Variants in LRBA observed in about 807,000 individuals in gnomAD.
LRBA encodes the protein lipopolysaccharide-responsive and beige-like anchor protein.
Under a neutral mutation model 330.0 loss-of-function variants are expected in LRBA, and 176 were observed. That is an observed-to-expected ratio of 0.53 (90% CI 0.47 to 0.60). LRBA has a LOEUF of 0.60. Among genes scored for constraint, LRBA ranks in the 20% least tolerant of loss-of-function variants. LRBA has a pLI of 0.00. For missense variants in LRBA, 3,259 were observed against 3,444.8 expected (o/e 0.95, Z 1.35); for synonymous variants, 1,230 against 1,193.0 (o/e 1.03, Z -0.64).
chr4:150,549,081 A>G (rs1424649586), intron 40 of LRBA, among the ~76,000 whole-genome samples: 8 of 152,192 alleles, frequency 5.3e-5, no homozygotes, highest in East Asian at 1.9e-4. Flanking sequence ...TATTAAATCT[A>G]TAACTATATT....
chr4:150,760,806 G>C (rs547869451), intron 35 of LRBA, among the ~76,000 whole-genome samples: 3 of 152,260 alleles, frequency 2.0e-5, no homozygotes, highest in African/African-American at 7.2e-5. Flanking sequence ...TTAGCATGAA[G>C]TATTATAATT....
chr4:150,844,797 G>T lies in LRBA; in HGVS notation c.4340-18C>A, dbSNP rs969648255. 3 of 1,601,514 alleles carry T rather than the reference G, an allele frequency of 1.9e-6. No homozygotes were observed. Among genetic ancestry groups the T allele is most frequent in the Non-Finnish European group, 2.6e-6 (3 of 1,172,074 alleles). ...TGCACAAACTGTAATTTATTTTAAG[G>T]AAAAGATAGGGAAAGAAAAGTTAAT... On this transcript the variant is annotated intron_variant, in intron 26 of 56. Transcript: ENST00000651943.
chr4:150,612,814 T>A (rs1030852495), intron 37 of LRBA, among the ~76,000 whole-genome samples: 2 of 152,094 alleles, frequency 1.3e-5, no homozygotes, highest in Non-Finnish European at 2.9e-5. Context: ...TTATATGACA[T>A]AAAATCCACA....
At chr4:150,283,654 T>A (rs921864531) in intron 54 of LRBA, among the ~76,000 whole-genome samples, 1 of 152,220 alleles carries the variant, frequency 6.6e-6, no homozygotes, top group Non-Finnish European at 1.5e-5. Flanking sequence ...CCACAGGCAG[T>A]GTTTGCTTTA....
intron 40 of LRBA, among the ~76,000 whole-genome samples, chr4:150,551,318 A>C (rs1028895023): frequency 6.6e-6 from 1 of 152,252 alleles, no homozygotes; most frequent in Non-Finnish European, 1.5e-5. Context: ...AATGAAATGA[A>C]TATGTAAATT....
In LRBA at chr4:150,914,218, A is replaced by T; in HGVS notation, c.1138T>A (p.Tyr380Asn). The T allele has an allele frequency of 6.2e-7, 1 of 1,609,226 alleles. No individual in the cohort carries two copies. Among genetic ancestry groups the T allele is most frequent in the Middle Eastern group, 1.7e-4 (1 of 6,046 alleles). Residue 380 changes from tyrosine (Y) to asparagine (N), a missense_variant, in exon 9 of 57, where the codon TAT (tyrosine) becomes AAT (asparagine). By Grantham distance (143) the Tyr-to-Asn change is moderately radical. Coordinates refer to ENST00000651943, the MANE Select transcript of LRBA (RefSeq NM_001364905.1). ...ALNAAQIFAI[Y>N]QLGLGYKGTF... The stretch of plus-strand genomic sequence containing the variant: ...ACCTTGTATCCCAGGCCCAACTGAT[A>T]AATAGCAAATATCTGAGCTGCATTT...
chr4:150,839,908 C>T (rs1480326874), intron 28 of LRBA, among the ~76,000 whole-genome samples: 2 of 151,726 alleles, frequency 1.3e-5, no homozygotes, highest in African/African-American at 2.4e-5. Context: ...GGTGTTTTGT[C>T]CACATTGAAA....
intron 44 of LRBA, among the ~76,000 whole-genome samples, chr4:150,439,304 C>T (rs184531506): frequency 6.6e-6 from 1 of 151,788 alleles, no homozygotes; most frequent in Non-Finnish European, 1.5e-5. Context: ...GAATATAATG[C>T]TAAAACCAAT....
intron 47 of LRBA, among the ~76,000 whole-genome samples, chr4:150,375,230 C>G (rs1200400419): frequency 6.6e-6 from 1 of 152,142 alleles, no homozygotes. Flanking sequence ...AAATGTGACC[C>G]CGTTCTCCTC....
chr4:150,333,244 A>G (rs564845013), intron 48 of LRBA, among the ~76,000 whole-genome samples: 1 of 152,222 alleles, frequency 6.6e-6, no homozygotes, highest in Non-Finnish European at 1.5e-5. Context: ...AATTTTATTT[A>G]AGATGTAGGG....
At chr4:150,368,881 C>T (rs1381977570) in intron 47 of LRBA, among the ~76,000 whole-genome samples, 1 of 152,134 alleles carries the variant, frequency 6.6e-6, no homozygotes, top group African/African-American at 2.4e-5. Flanking sequence ...TTTTTGTGTA[C>T]CATATTTGGT....
intron 2 of LRBA, among the ~76,000 whole-genome samples, chr4:150,959,954 T>C (rs1737957094): frequency 6.8e-6 from 1 of 147,074 alleles, no homozygotes; most frequent in South Asian, 2.1e-4. Flanking sequence ...GGTCTTCCCA[T>C]GTTGCCCAAG....
intron 40 of LRBA, among the ~76,000 whole-genome samples, chr4:150,528,779 A>G (rs1401242101): frequency 1.3e-5 from 2 of 152,312 alleles, no homozygotes; most frequent in South Asian, 4.1e-4. Flanking sequence ...GAAAAACAAA[A>G]TAAGAAACAG....
At chr4:150,533,999 T>C (rs974091392) in intron 40 of LRBA, among the ~76,000 whole-genome samples, 5 of 152,156 alleles carry the variant, frequency 3.3e-5, no homozygotes, top group Non-Finnish European at 7.4e-5. Flanking sequence ...CAAGTATCTC[T>C]ACCCCAGTCC....
chr4:150,315,165 T>G (rs1308520099), intron 51 of LRBA: 1 of 271,598 alleles, frequency 3.7e-6, no homozygotes, highest in Admixed American at 5.0e-5. Context: ...ACTGTTATTA[T>G]GAAAATTTTC....
rs778080354 is a variant in LRBA, at chr4:151,014,582, C to T, written c.61G>A (p.Gly21Arg). Residue 21 changes from glycine (G) to arginine (R), a missense_variant, in exon 2 of 57, where the codon GGA becomes AGA. By Grantham distance (125) the Gly-to-Arg change is moderately radical. Coordinates refer to ENST00000651943, the MANE Select transcript of LRBA (RefSeq NM_001364905.1). ...PPPTGDDGGG[G>R]GREETPTEGG... ...TCAGTAGGGGTTTCTTCTCTCCCTC[C>T]ACCTCCCCCGTCATCACCTGTTGGT... 2 of 1,612,264 alleles carry T rather than the reference C, an allele frequency of 1.2e-6. No individual in the cohort carries two copies. The highest frequency in any genetic ancestry group is 8.5e-7 in the Non-Finnish European group (1 of 1,179,126).
At chr4:150,710,024 A>G (rs1166332864) in intron 36 of LRBA, among the ~76,000 whole-genome samples, 2 of 152,106 alleles carry the variant, frequency 1.3e-5, no homozygotes, top group Non-Finnish European at 2.9e-5. Flanking sequence ...ATGCATGAAC[A>G]ACATATACTA....
At chr4:150,658,532 T>C (rs1306591605) in intron 37 of LRBA, among the ~76,000 whole-genome samples, 5 of 18 alleles carry the variant, frequency 0.28, no homozygotes, top group Non-Finnish European at 0.5. Flanking sequence ...CCTCTCCCTC[T>C]CCCTCTCCCT....
chr4:150,881,757 C>T (rs1728420107), intron 17 of LRBA, among the ~76,000 whole-genome samples: 1 of 152,106 alleles, frequency 6.6e-6, no homozygotes, highest in Admixed American at 6.5e-5. Flanking sequence ...AAAAACTATC[C>T]TTGCTATAGC....
Sources: allele counts gnomAD v4.1 joint callset (sites outside exome capture counted in the v4.1 genomes callset), GRCh38; gene constraint gnomAD v4.1.1; transcripts MANE v1.5; gene names NCBI Gene and HGNC (gene_info 2026-07-23, HGNC 2026-07-21).